The following DLG3 variants were observed in gnomAD, a reference collection of about 807,000 sequenced individuals.
DLG3 encodes the protein discs large MAGUK scaffold protein 3.
DLG3 carries 1 observed loss-of-function variant against 64.1 expected under a neutral mutation model. The observed-to-expected ratio is 0.02, with a 90% confidence interval of 0.01 to 0.07. The LOEUF is 0.07. DLG3 is among the 10% of genes least tolerant of loss of function. The pLI is 1.00. For missense variants in DLG3, 429 were observed against 669.5 expected (o/e 0.64, Z 3.96); for synonymous variants, 245 against 259.8 (o/e 0.94, Z 0.55).
At chrX:70,452,546 G>C in intron 7 of DLG3, 1 of 1,164,345 alleles carries the variant, frequency 8.6e-7, no homozygotes, top group Non-Finnish European at 1.1e-6. Context: ...GGTTTGCAGG[G>C]TGGGGCCCGA....
intron 7 of DLG3, chrX:70,452,767 G>A (rs765074594): frequency 2.6e-6 from 3 of 1,167,050 alleles, no homozygotes; most frequent in Non-Finnish European, 3.4e-6. Flanking sequence ...TAGGAGTGGA[G>A]GGCTAGGAGC....
chrX:70,465,863 G>A (rs891424303), intron 9 of DLG3, among the ~76,000 whole-genome samples: 3 of 111,545 alleles, frequency 2.7e-5, no homozygotes, highest in Admixed American at 9.6e-5. Context: ...GCCATAATTC[G>A]TATAACCATT....
In DLG3 at chrX:70,503,407, C is replaced by T. The variant is rs2087601144; in HGVS notation, c.*1138C>T. 1 of 112,275 alleles carries T rather than the reference C, an allele frequency of 8.9e-6. No homozygotes were observed. The highest frequency in any genetic ancestry group is 1.9e-5 in the Non-Finnish European group (1 of 53,208). 9.3% of individuals were successfully genotyped at this position (112,275 alleles called of 1,213,427 possible). ...AGGCCTTGTGATGGAGTAGGTGACA[C>T]AGGCCTGGTTGTCCTGTCAGCAGAA... is the stretch of plus-strand genomic sequence containing the variant. On this transcript the variant is annotated 3_prime_UTR_variant, in exon 19 of 19. Transcript: ENST00000374360.
In DLG3 at chrX:70,448,588, T is replaced by C. The variant is rs1227032966; in HGVS notation, c.358-325T>C. On this transcript the variant is annotated intron_variant, in intron 1 of 18. Transcript: ENST00000374360. ...TCTGCCATCCCCCTTAGGCCAGGCC[T>C]GCACCCCTCCTAGTGAACCCTGAGA... The C allele has an allele frequency of 3.4e-6, 4 of 1,163,448 alleles. No homozygotes were observed. The African/African-American group carries it at 7.2e-5, about 21-fold the overall frequency.
chrX:70,471,551 A>G (rs978121139), intron 9 of DLG3, among the ~76,000 whole-genome samples: 3 of 110,689 alleles, frequency 2.7e-5, no homozygotes, highest in African/African-American at 6.6e-5. Flanking sequence ...GGATGATCTC[A>G]ATCTCCTGAC....
chrX:70,476,832 G>C (rs1602942592), intron 9 of DLG3, among the ~76,000 whole-genome samples: 1 of 112,555 alleles, frequency 8.9e-6, no homozygotes, highest in Admixed American at 9.4e-5. Context: ...TTATTCAAAG[G>C]CTGCTCTGCC....
At chrX:70,452,875 T>A in intron 7 of DLG3, 2 of 735,454 alleles carry the variant, frequency 2.7e-6, no homozygotes, top group Non-Finnish European at 3.8e-6. Context: ...CGAGGAAAGA[T>A]GCTTGTAACA....
chrX:70,478,932 A>T (rs1335996656), intron 9 of DLG3, among the ~76,000 whole-genome samples: 1 of 111,706 alleles, frequency 9.0e-6, no homozygotes, highest in Non-Finnish European at 1.9e-5. Context: ...CTCCCTTTTC[A>T]GGTGCATTCT....
Position 70,454,284 on chromosome X carries a change from C to A in DLG3, c.1373C>A (p.Ser458Ter). The change falls in exon 9 of 19, where the codon TCA becomes TAA. Residue 458 changes from serine (S) to a stop codon, truncating the protein, a stop_gained. Coordinates refer to ENST00000374360, the MANE Select transcript of DLG3 (RefSeq NM_021120.4). LOFTEE classifies it high-confidence loss of function. ...GCTGCTCTGAAACGGGCCGGCCAGT[C>A]AGTCACCATTGTGGCCCAGTACAGA... ...AAAALKRAGQ[S>*]VTIVAQYRPE... The A allele has an allele frequency of 8.3e-7, 1 of 1,211,339 alleles. No individual in the cohort carries two copies.
intron 9 of DLG3, among the ~76,000 whole-genome samples, chrX:70,473,217 T>A (rs1188675587): frequency 1.8e-5 from 2 of 108,618 alleles, no homozygotes; most frequent in Non-Finnish European, 3.8e-5. Context: ...CCTTGTATGA[T>A]CTGACCCCTG....
In DLG3 at chrX:70,502,345, C is replaced by T; in HGVS notation, c.*76C>T. Reference sequence around the variant, plus strand: ...TCCCTCCTCCCTCTTCATTCCTGTCCCCATGGGGAGAACAAATGCTACTGT... The same window carrying T: ...TCCCTCCTCCCTCTTCATTCCTGTCTCCATGGGGAGAACAAATGCTACTGT... On this transcript the variant is annotated 3_prime_UTR_variant, in exon 19 of 19. Coordinates refer to ENST00000374360, the MANE Select transcript of DLG3 (RefSeq NM_021120.4). The T allele has an allele frequency of 2.7e-6, 2 of 743,258 alleles. No individual in the cohort carries two copies. The allele number at this position is 743,258 out of a possible 1,213,427, so 61.3% of individuals were successfully genotyped here.
intron 10 of DLG3, among the ~76,000 whole-genome samples, chrX:70,483,554 C>T (rs977539261): frequency 2.7e-5 from 3 of 112,289 alleles, no homozygotes; most frequent in Admixed American, 9.4e-5. Flanking sequence ...TGCTTTCCTT[C>T]CCCTCCCCTG....
In DLG3 at chrX:70,499,895, G is replaced by A. The variant is rs1486834464; in HGVS notation, c.1991G>A (p.Arg664His). 1.7e-6 allele frequency: 2 copies of A among 1,207,245 alleles called. No individual in the cohort carries two copies. Among genetic ancestry groups the A allele is most frequent in the African/African-American group, 1.8e-5 (1 of 57,085 alleles). The part of the protein sequence containing the change: ...SCVPHTTRPR[R>H]DNEVDGQDYH... ...CCTTCAGATACTACCCGGCCTCGAC[G>A]TGATAATGAGGTGGATGGACAAGAC... Residue 664 changes from arginine to histidine, a missense_variant, in exon 16 of 19, where the codon CGT becomes CAT. By Grantham distance (29) the Arg-to-His change is conservative. Around this residue, in one of 9 missense-constraint regions of DLG3, gnomAD observed 46 missense variants for 64.4 expected, o/e 0.71. Transcript: ENST00000374360.
At chrX:70,472,592 C>G (rs2086989009) in intron 9 of DLG3, among the ~76,000 whole-genome samples, 1 of 111,082 alleles carries the variant, frequency 9.0e-6, no homozygotes, top group Non-Finnish European at 1.9e-5. Flanking sequence ...TAGAGAGCTT[C>G]CCAGTATTGG....
rs1448961506 is a variant in DLG3, at chrX:70,505,363, C to A, written c.*3094C>A. ...CTGAAGGAGGAGAGAGCCCTATCTC[C>A]TCCTGGTTTTGTTGCTGACATTGCA... On this transcript the variant is annotated 3_prime_UTR_variant, in exon 19 of 19. Coordinates refer to ENST00000374360, the MANE Select transcript of DLG3 (RefSeq NM_021120.4). The A allele has an allele frequency of 8.9e-6, 1 of 112,156 alleles. No homozygotes were observed. The highest frequency in any genetic ancestry group is 3.2e-5 in the African/African-American group (1 of 30,813). The allele number at this position is 112,156 out of a possible 1,213,427, so 9.2% of individuals were successfully genotyped here.
chrX:70,462,821 G>A (rs1173327178), intron 9 of DLG3, among the ~76,000 whole-genome samples: 2 of 111,665 alleles, frequency 1.8e-5, no homozygotes, highest in Admixed American at 9.5e-5. Flanking sequence ...TTTTTTAAAA[G>A]TAGCTACACC....
Position 70,448,613 on chromosome X carries a change from A to T in DLG3, c.358-300A>T, listed in dbSNP as rs2281868. 1.4e-5 allele frequency: 16 copies of T among 1,164,907 alleles called. No individual in the cohort carries two copies. In the South Asian group the frequency reaches 2.9e-4, roughly 21 times the overall value. ...TGCACCCCTCCTAGTGAACCCTGAG[A>T]CACTGAAGCACAGCCTCTCGGTGAG... On this transcript the variant is annotated intron_variant, in intron 1 of 18. Coordinates refer to ENST00000374360, the MANE Select transcript of DLG3 (RefSeq NM_021120.4).
At chrX:70,459,810 TCA>T (rs1468099180) in intron 9 of DLG3, among the ~76,000 whole-genome samples, 3 of 111,305 alleles carry the variant, frequency 2.7e-5, no homozygotes, top group Non-Finnish European at 5.7e-5. Context: ...TTGCTCAGGG[TCA>T]CACAAGTCTG....
chrX:70,484,252 G>A (rs969122729), intron 10 of DLG3, among the ~76,000 whole-genome samples: 4 of 111,751 alleles, frequency 3.6e-5, no homozygotes, highest in Non-Finnish European at 7.5e-5. Context: ...CTGGCCTCCT[G>A]ACTGGCCATC....
Sources: gnomAD v4.1 joint callset for allele counts (sites outside exome capture counted in the v4.1 genomes callset) on GRCh38, gnomAD v4.1.1 for gene constraint, gnomAD v4.1.1 regional missense constraint, MANE v1.5 for transcripts, NCBI Gene and HGNC (gene_info 2026-07-23, HGNC 2026-07-21) for gene names.